Variants in ARHGAP44 observed in about 807,000 individuals in gnomAD.
ARHGAP44 encodes Rho GTPase activating protein 44.
ARHGAP44 carries 43 observed loss-of-function variants against 106.8 expected under a neutral mutation model. That is an observed-to-expected ratio of 0.40 (90% CI 0.32 to 0.52). ARHGAP44 has a LOEUF of 0.52. Ranked by LOEUF, ARHGAP44 falls within the 20% of genes least tolerant of loss-of-function variation. The pLI is 0.48. For missense variants in ARHGAP44, 866 were observed against 1,050.5 expected, an observed-to-expected ratio of 0.82 and a Z score of 2.43; for synonymous variants, 439 against 410.3, an observed-to-expected ratio of 1.07 and a Z score of -0.85.
intron 1 of ARHGAP44, among the ~76,000 whole-genome samples, chr17:12,844,911 T>C (rs1324403692): frequency 6.6e-6 from 1 of 152,208 alleles, no homozygotes; most frequent in Non-Finnish European, 1.5e-5. Flanking sequence ...GAAGCAGAAC[T>C]GACGTGTACT....
chr17:12,796,055 G>C (rs2033908028), intron 1 of ARHGAP44, among the ~76,000 whole-genome samples: 1 of 151,108 alleles, frequency 6.6e-6, no homozygotes, highest in African/African-American at 2.4e-5. Flanking sequence ...TGGGCTAAAA[G>C]GAAAAAAAAA....
At chr17:12,846,935 C>G (rs1165373220) in intron 1 of ARHGAP44, among the ~76,000 whole-genome samples, 1 of 152,152 alleles carries the variant, frequency 6.6e-6, no homozygotes, top group Non-Finnish European at 1.5e-5. Flanking sequence ...TGGAGTGGAG[C>G]TTAGAATTCT....
At position 12,944,103 on chromosome 17, in the gene ARHGAP44, G is replaced by A. The variant is rs182629786; in HGVS notation, c.768G>A (p.Pro256=). 6.2e-7 allele frequency: 1 copy of A among 1,612,470 alleles called. No individual in the cohort carries two copies. The highest frequency in any genetic ancestry group is 1.1e-5 in the South Asian group (1 of 90,962). Residue 256 remains proline, a synonymous_variant, in exon 10 of 21, where the codon CCG becomes CCA. Transcript: ENST00000379672. The part of the protein sequence containing the change: ...AWVEKPSFGK[P]LEEHLTISGR... ...TAGAGAAGCCTTCCTTCGGGAAGCC[G>A]CTGGAGGAGCACCTCACCATCAGCG...
rs551419314 is a variant in ARHGAP44 at position 12,937,075 on chromosome 17, G to A, written c.583-3981G>A. Among the ~76,000 whole-genome samples, 11 of 152,324 alleles carry A rather than the reference G, an allele frequency of 7.2e-5. No individual in the cohort carries two copies. In the South Asian group the frequency reaches 2.3e-3, roughly 32 times the overall value. ...GGTCTCTTTCTTTTGGTGAGCCTGT[G>A]CCTTAGGGCTGTGAATTTCACCAGT... On this transcript the variant is annotated intron_variant, in intron 7 of 20. Transcript: ENST00000379672.
intron 7 of ARHGAP44, among the ~76,000 whole-genome samples, chr17:12,935,815 A>T (rs1567696441): frequency 6.6e-6 from 1 of 152,196 alleles, no homozygotes; most frequent in African/African-American, 2.4e-5. Context: ...AGAGCCAAAA[A>T]GAATGAAAGA....
At chr17:12,951,456 A>C (rs2038990376) in intron 12 of ARHGAP44, among the ~76,000 whole-genome samples, 1 of 152,212 alleles carries the variant, frequency 6.6e-6, no homozygotes, top group African/African-American at 2.4e-5. Flanking sequence ...GATGAAGCCA[A>C]GTGAGAACAT....
intron 1 of ARHGAP44, among the ~76,000 whole-genome samples, chr17:12,844,631 A>G (rs756197455): frequency 6.6e-6 from 1 of 152,222 alleles, no homozygotes; most frequent in Admixed American, 6.5e-5. Context: ...CTGATGATAC[A>G]TACATACTAA....
intron 1 of ARHGAP44, among the ~76,000 whole-genome samples, chr17:12,856,520 G>A (rs2035916965): frequency 6.6e-6 from 1 of 152,162 alleles, no homozygotes; most frequent in Admixed American, 6.5e-5. Context: ...TGTGAAATAA[G>A]GGAAGTTTAT....
At chr17:12,962,298 A>G (rs1298636965) in intron 16 of ARHGAP44, among the ~76,000 whole-genome samples, 1 of 152,030 alleles carries the variant, frequency 6.6e-6, no homozygotes, top group Non-Finnish European at 1.5e-5. Flanking sequence ...TGCCTTTCTG[A>G]TTTGAAATGA....
chr17:12,795,299 T>G (rs1356006628), intron 1 of ARHGAP44, among the ~76,000 whole-genome samples: 1 of 152,192 alleles, frequency 6.6e-6, no homozygotes, highest in Non-Finnish European at 1.5e-5. Flanking sequence ...GGTTAGCAAA[T>G]CTGGAGAGAA....
At chr17:12,893,798 C>A (rs79420206) in intron 1 of ARHGAP44, among the ~76,000 whole-genome samples, 7,237 of 152,166 alleles carry the variant, frequency 0.048, 238 homozygotes, top group Admixed American at 0.082. Context: ...CTACAGAGAC[C>A]AGGCTTTTGT....
intron 1 of ARHGAP44, among the ~76,000 whole-genome samples, chr17:12,816,813 G>A (rs1374850034): frequency 6.6e-6 from 1 of 152,170 alleles, no homozygotes. Context: ...AGTTATAGGT[G>A]AGGACTTTGA....
intron 13 of ARHGAP44, among the ~76,000 whole-genome samples, chr17:12,953,792 G>T (rs1035135195): frequency 3.3e-5 from 5 of 152,332 alleles, no homozygotes; most frequent in South Asian, 2.1e-4. Flanking sequence ...AGTACCTGGA[G>T]TGGTCAAACT....
intron 1 of ARHGAP44, among the ~76,000 whole-genome samples, chr17:12,865,209 G>A (rs181676043): frequency 1.3e-5 from 2 of 152,202 alleles, no homozygotes; most frequent in East Asian, 3.9e-4. Context: ...TCAGACTAGT[G>A]CCAGATTTCT....
At chr17:12,895,759 C>A (rs9891505) in intron 2 of ARHGAP44, among the ~76,000 whole-genome samples, 30,819 of 151,922 alleles carry the variant, frequency 0.2, 3,960 homozygotes, top group East Asian at 0.44. Flanking sequence ...TGGGTATATA[C>A]CCAAAGGATT....
chr17:12,980,858 T>G (rs2039811699), intron 19 of ARHGAP44: 1 of 152,166 alleles, frequency 6.6e-6, no homozygotes, highest in Non-Finnish European at 1.5e-5. Flanking sequence ...CTTTGCAGAG[T>G]CTTTCACTCG....
At chr17:12,814,235 GTTTTTT>G (rs773171329) in intron 1 of ARHGAP44, among the ~76,000 whole-genome samples, 1 of 87,270 alleles carries the variant, frequency 1.1e-5, no homozygotes, top group Non-Finnish European at 2.2e-5. Context: ...CCAAACTGGT[GTTTTTT>G]TTTTTTTTTT....
chr17:12,812,511 A>T (rs995226545), intron 1 of ARHGAP44, among the ~76,000 whole-genome samples: 1 of 152,238 alleles, frequency 6.6e-6, no homozygotes, highest in Admixed American at 6.5e-5. Flanking sequence ...AGATTGTGAG[A>T]CATCTATAGA....
chr17:12,980,438 TA>T (rs1373574641), intron 19 of ARHGAP44, among the ~76,000 whole-genome samples: 9 of 152,198 alleles, frequency 5.9e-5, no homozygotes, highest in African/African-American at 1.9e-4. Context: ...GTGGGCTCAT[TA>T]GGGGCGTATA....
Sources: allele counts gnomAD v4.1 joint callset (sites outside exome capture counted in the v4.1 genomes callset), GRCh38; gene constraint gnomAD v4.1.1; transcripts MANE v1.5; gene names NCBI Gene and HGNC (gene_info 2026-07-23, HGNC 2026-07-21).